CFDP1: variants seen among roughly 807,000 people sequenced by gnomAD.
The protein encoded by CFDP1 is heterochromatin-stabilizing protein CFDP1.
A neutral mutation model predicts 40.1 loss-of-function variants in CFDP1; 31 were observed. The observed-to-expected ratio is 0.77, with a 90% confidence interval of 0.58 to 1.04. CFDP1 has a LOEUF of 1.04. Ranked by LOEUF, CFDP1 falls within the 50% of genes least tolerant of loss-of-function variation. The probability of loss-of-function intolerance (pLI) is 0.00; values close to 1 mark genes in which losing one functional copy is unlikely to be tolerated. For synonymous variants in CFDP1, 167 were observed against 120.0 expected, an observed-to-expected ratio of 1.39 and a Z score of -2.56; for missense variants, 423 against 343.4, an observed-to-expected ratio of 1.23 and a Z score of -1.83.
intron 1 of CFDP1, among the ~76,000 whole-genome samples, chr16:75,417,014 T>A (rs10871311): frequency 0.52 from 78,552 of 151,432 alleles, 21,397 homozygotes; most frequent in Admixed American, 0.64. Flanking sequence ...CTAAAAAAAA[T>A]TTTTAAACAT....
chr16:75,334,189 C>T (rs1356356934), intron 5 of CFDP1, among the ~76,000 whole-genome samples: 1 of 150,536 alleles, frequency 6.6e-6, no homozygotes, highest in Non-Finnish European at 1.5e-5. Flanking sequence ...GACTTGCCTC[C>T]TCCTCGCAGC....
chr16:75,327,138 A>G (rs8051785), intron 5 of CFDP1, among the ~76,000 whole-genome samples: 116,307 of 152,000 alleles, frequency 0.77, 44,562 homozygotes, highest in Admixed American at 0.81. Flanking sequence ...GTGGTGGCGG[A>G]CGCCTGTAGT....
intron 5 of CFDP1, among the ~76,000 whole-genome samples, chr16:75,332,436 GC>G (rs1187571876): frequency 6.6e-6 from 1 of 152,024 alleles, no homozygotes; most frequent in East Asian, 1.9e-4. Context: ...CTGCACTCCA[GC>G]CTGGGTGACA....
At chr16:75,299,771 T>C (rs1459784398) in intron 6 of CFDP1, among the ~76,000 whole-genome samples, 2 of 152,008 alleles carry the variant, frequency 1.3e-5, no homozygotes, top group African/African-American at 4.8e-5. Context: ...CAAAACATGT[T>C]CATAGATGAA....
intron 4 of CFDP1, among the ~76,000 whole-genome samples, chr16:75,398,472 G>A (rs938935289): frequency 1.3e-5 from 2 of 152,112 alleles, no homozygotes; most frequent in Admixed American, 6.6e-5. Context: ...AGAGTTCTGT[G>A]GAAGTGGCAC....
At chr16:75,429,270 C>G (rs977646663) in intron 1 of CFDP1, among the ~76,000 whole-genome samples, 1 of 152,184 alleles carries the variant, frequency 6.6e-6, no homozygotes, top group Non-Finnish European at 1.5e-5. Flanking sequence ...CTTTAAAATT[C>G]TGATGGAAAA....
intron 5 of CFDP1, among the ~76,000 whole-genome samples, chr16:75,374,537 C>T (rs573240698): frequency 3.3e-5 from 5 of 151,544 alleles, no homozygotes; most frequent in Non-Finnish European, 5.9e-5. Flanking sequence ...ATAAAATGGG[C>T]GGGGCATAGT....
intron 5 of CFDP1, chr16:75,306,485 T>C (rs2078258099): frequency 6.6e-6 from 1 of 152,180 alleles, no homozygotes; most frequent in Non-Finnish European, 1.5e-5. Context: ...CTATTAACTT[T>C]AGTAGAGAGG....
intron 5 of CFDP1, among the ~76,000 whole-genome samples, chr16:75,326,717 C>A (rs1459425319): frequency 6.6e-6 from 1 of 152,118 alleles, no homozygotes; most frequent in East Asian, 1.9e-4. Context: ...CCAAGGAGAG[C>A]GGTAAAATGT....
chr16:75,312,157 A>C (rs957097683), intron 5 of CFDP1, among the ~76,000 whole-genome samples: 1 of 152,144 alleles, frequency 6.6e-6, no homozygotes, highest in African/African-American at 2.4e-5. Context: ...ATCTCTAAGT[A>C]ATCTCCCCAA....
intron 4 of CFDP1, among the ~76,000 whole-genome samples, chr16:75,400,290 CAAA>C (rs2079039660): frequency 5.3e-5 from 2 of 37,554 alleles, no homozygotes; most frequent in Non-Finnish European, 1.7e-4. Flanking sequence ...AAACAAAAAA[CAAA>C]ACAAAACAAA....
intron 5 of CFDP1, among the ~76,000 whole-genome samples, chr16:75,384,763 A>T (rs956895677): frequency 1.3e-5 from 2 of 151,028 alleles, no homozygotes; most frequent in African/African-American, 4.9e-5. Flanking sequence ...AGGCAGGCAT[A>T]AAAAAAATAC....
At chr16:75,391,930 T>TG (rs2078955464) in intron 5 of CFDP1, among the ~76,000 whole-genome samples, 1 of 151,914 alleles carries the variant, frequency 6.6e-6, no homozygotes, top group African/African-American at 2.4e-5. Context: ...ATCGCGCCAC[T>TG]GCACTCCAGC....
At chr16:75,401,019 G>A (rs529482939) in intron 4 of CFDP1, among the ~76,000 whole-genome samples, 2 of 152,322 alleles carry the variant, frequency 1.3e-5, no homozygotes, top group East Asian at 1.9e-4. Flanking sequence ...CATCCAGCTT[G>A]ACACAGTGGC....
intron 4 of CFDP1, among the ~76,000 whole-genome samples, chr16:75,400,120 A>AC (rs1555564053): frequency 8.8e-5 from 13 of 147,714 alleles, no homozygotes; most frequent in South Asian, 2.1e-4. Flanking sequence ...AAAAAAAAAA[A>AC]GGAAAAAAAA....
intron 5 of CFDP1, among the ~76,000 whole-genome samples, chr16:75,368,953 C>G (rs2078734414): frequency 6.6e-6 from 1 of 151,888 alleles, no homozygotes; most frequent in Non-Finnish European, 1.5e-5. Flanking sequence ...TTACATTTTT[C>G]AATAACTTAA....
chr16:75,402,556 G>A (rs954176079), intron 4 of CFDP1, among the ~76,000 whole-genome samples: 6 of 152,166 alleles, frequency 3.9e-5, no homozygotes, highest in Admixed American at 3.3e-4. Flanking sequence ...GAAAACTGAA[G>A]ACTAACTTTG....
At chr16:75,347,359 A>AAAAAAAGAAAAAG (rs1555556963) in intron 5 of CFDP1, among the ~76,000 whole-genome samples, 2 of 53,694 alleles carry the variant, frequency 3.7e-5, no homozygotes, top group African/African-American at 8.1e-5. Flanking sequence ...AAAAAAAAAA[A>AAAAAAAGAAAAAG]AAAAAGAAAA....
At chr16:75,374,018 C>T (rs2078773052) in intron 5 of CFDP1, among the ~76,000 whole-genome samples, 2 of 150,992 alleles carry the variant, frequency 1.3e-5, no homozygotes, top group African/African-American at 4.9e-5. Flanking sequence ...TTTGGGAGGC[C>T]AAACCAGGTG....
Sources: allele counts gnomAD v4.1 joint callset (sites outside exome capture counted in the v4.1 genomes callset), GRCh38; gene constraint gnomAD v4.1.1; transcripts MANE v1.5; gene names NCBI Gene and HGNC (gene_info 2026-07-23, HGNC 2026-07-21).